GSE1: variants seen among roughly 807,000 people sequenced by gnomAD.
GSE1 encodes Gse1 coiled-coil protein, also known as genetic suppressor element 1.
Under a neutral mutation model 112.6 loss-of-function variants are expected in GSE1, and 32 were observed. That is an observed-to-expected ratio of 0.28 (90% CI 0.21 to 0.38). The LOEUF is 0.38. Among genes scored for constraint, GSE1 ranks in the 10% least tolerant of loss-of-function variants. The pLI, the probability that GSE1 is intolerant of heterozygous loss-of-function variation, is 1.00. For missense variants in GSE1, 2,348 were observed against 1,699.2 expected, an observed-to-expected ratio of 1.38 and a Z score of -6.71; for synonymous variants, 1,115 against 735.6, an observed-to-expected ratio of 1.52 and a Z score of -8.35.
At position 85,475,814 on chromosome 16, in the gene GSE1, G is replaced by A. The variant is rs544636969; in HGVS notation, c.2464+118171G>A. Among the ~76,000 whole-genome samples, 10 of 124,688 alleles carry A rather than the reference G, an allele frequency of 8.0e-5. No individual in the cohort carries two copies. In the East Asian group the frequency reaches 4.3e-3, roughly 54 times the overall value. 81.8% of individuals were successfully genotyped at this position (124,688 alleles called of 152,430 possible). A position where few individuals can be genotyped will look rare whatever the true frequency, so the allele number is the denominator to read the frequency against. The stretch of plus-strand genomic sequence containing the variant: ...TTTTTTTTTTTTAATACTAGAGACC[G>A]GGTTTCACTCTGTTGCCCAGGTTGG... On this transcript the variant is annotated intron_variant, in intron 2 of 2. Transcript: ENST00000637419.
At chr16:85,614,093 C>T (rs1172642501) in intron 1 of GSE1, among the ~76,000 whole-genome samples, 2 of 151,272 alleles carry the variant, frequency 1.3e-5, no homozygotes, top group South Asian at 2.1e-4. Flanking sequence ...CCCTCCCCTC[C>T]CCCCCGCAGA....
At position 85,548,943 on chromosome 16, in the gene GSE1, C is replaced by G. The variant is rs539522265; in HGVS notation, c.2465-84971C>G. On this transcript the variant is annotated intron_variant, in intron 2 of 2. Transcript: ENST00000637419. ...TAGCTGGGATTACAGGCGTGCGCCA[C>G]CACGTCCAGCTAATTTTTATATTTT... Among the ~76,000 whole-genome samples, 3 of 152,306 alleles carry G rather than the reference C, an allele frequency of 2.0e-5. No individual in the cohort carries two copies. In the South Asian group the frequency reaches 6.2e-4, roughly 32 times the overall value.
chr16:85,433,525 C>T (rs2049169751), intron 2 of GSE1, among the ~76,000 whole-genome samples: 1 of 152,126 alleles, frequency 6.6e-6, no homozygotes, highest in Non-Finnish European at 1.5e-5. Flanking sequence ...TGCTGTTTGG[C>T]ATTGGTGTCT....
intron 1 of GSE1, among the ~76,000 whole-genome samples, chr16:85,338,925 G>A (rs1177555675): frequency 6.6e-6 from 1 of 152,238 alleles, no homozygotes; most frequent in Non-Finnish European, 1.5e-5. Flanking sequence ...TGCAGAGCTT[G>A]GCCTGGCCCG....
At chr16:85,617,566 G>A (rs1037180788) in intron 1 of GSE1, among the ~76,000 whole-genome samples, 1 of 150,032 alleles carries the variant, frequency 6.7e-6, no homozygotes, top group East Asian at 2.0e-4. Context: ...ATCTCGGAGG[G>A]ATGCAGCCTG....
chr16:85,548,108 A>G (rs893058097), intron 2 of GSE1, among the ~76,000 whole-genome samples: 4 of 151,364 alleles, frequency 2.6e-5, no homozygotes, highest in African/African-American at 9.7e-5. Context: ...GCATGCCTGT[A>G]ATGCCAGCTA....
At chr16:85,417,827 G>C (rs921508584) in intron 2 of GSE1, among the ~76,000 whole-genome samples, 2 of 152,232 alleles carry the variant, frequency 1.3e-5, no homozygotes, top group African/African-American at 2.4e-5. Context: ...AGGCAGGGCT[G>C]AAGGCTGCAT....
intron 2 of GSE1, among the ~76,000 whole-genome samples, chr16:85,456,574 C>T (rs1420257041): frequency 1.0e-5 from 1 of 97,776 alleles, no homozygotes; most frequent in African/African-American, 4.4e-5. Flanking sequence ...GGGTCATTTT[C>T]CTGCCGTGTG....
At chr16:85,653,842 C>A (rs1216230790) in intron 3 of GSE1, among the ~76,000 whole-genome samples, 1 of 152,188 alleles carries the variant, frequency 6.6e-6, no homozygotes, top group African/African-American at 2.4e-5. Flanking sequence ...GACGTCTTGG[C>A]TACATCGTGG....
chr16:85,634,971 G>A (rs1256367685), intron 2 of GSE1, among the ~76,000 whole-genome samples: 12 of 152,042 alleles, frequency 7.9e-5, no homozygotes, highest in African/African-American at 1.9e-4. Flanking sequence ...TGAGGAAACC[G>A]GGACCCCAGT....
chr16:85,668,399 T>G lies in GSE1; in HGVS notation c.3390T>G (p.Phe1130Leu). Residue 1130 changes from phenylalanine (F) to leucine (L), a missense_variant, in exon 14 of 16, where the codon TTT becomes TTG. Coordinates refer to ENST00000253458, the MANE Select transcript of GSE1 (RefSeq NM_014615.5). ...KRKWQGIEAV[F>L]EAYQEHIEEQ... ...AGTGGCAAGGGATCGAGGCCGTTTT[T>G]GAAGCTTACCAGGAACACATAGAAG... 1.2e-6 allele frequency: 2 copies of G among 1,609,976 alleles called. No homozygotes were observed. Among genetic ancestry groups the G allele is most frequent in the Non-Finnish European group, 1.7e-6 (2 of 1,179,324 alleles).
chr16:85,259,402 T>C (rs1363087289), intron 1 of GSE1, among the ~76,000 whole-genome samples: 2 of 152,280 alleles, frequency 1.3e-5, no homozygotes, highest in Admixed American at 6.5e-5. Flanking sequence ...GAAGACTTGT[T>C]TTTTGTGTAA....
At chr16:85,279,375 A>T (rs944188902) in intron 1 of GSE1, among the ~76,000 whole-genome samples, 3 of 152,246 alleles carry the variant, frequency 2.0e-5, no homozygotes, top group Admixed American at 2.0e-4. Context: ...TGGGAGGCCA[A>T]GGCAGCGGAT....
At chr16:85,214,384 G>A (rs554396698) in intron 1 of GSE1, among the ~76,000 whole-genome samples, 4 of 152,344 alleles carry the variant, frequency 2.6e-5, no homozygotes, top group Admixed American at 1.3e-4. Flanking sequence ...CTCACAAGAA[G>A]AAGGAGATTT....
chr16:85,637,649 C>T (rs2050114268), intron 2 of GSE1, among the ~76,000 whole-genome samples: 1 of 152,254 alleles, frequency 6.6e-6, no homozygotes, highest in South Asian at 2.1e-4. Context: ...CTCCGGCTTG[C>T]CCGGGTCCCA....
rs1182071590 is a variant in GSE1 at position 85,663,522 on chromosome 16, C to T, written c.2552C>T (p.Pro851Leu). 2 of 1,613,970 alleles carry T rather than the reference C, an allele frequency of 1.2e-6. No individual in the cohort carries two copies. Among genetic ancestry groups the T allele is most frequent in the South Asian group, 1.1e-5 (1 of 91,070 alleles). ...PRLALSTRYS[P>L]DEMNNSPNFE... ...CTGGCGCTGTCTACCCGCTACAGCC[C>T]TGATGAGATGAACAACAGTCCCAAC... The change falls in exon 11 of 16, where the codon CCT becomes CTT. Residue 851 changes from proline (P) to leucine (L), a missense_variant. Transcript: ENST00000253458.
At chr16:85,433,868 G>A (rs1244117409) in intron 2 of GSE1, among the ~76,000 whole-genome samples, 1 of 149,992 alleles carries the variant, frequency 6.7e-6, no homozygotes, top group African/African-American at 2.5e-5. Flanking sequence ...GGATGGAAGT[G>A]GTTTGGATGG....
intron 1 of GSE1, among the ~76,000 whole-genome samples, chr16:85,235,942 A>G (rs1274236645): frequency 6.6e-6 from 1 of 151,430 alleles, no homozygotes; most frequent in African/African-American, 2.4e-5. Context: ...CTGGGGAGCG[A>G]GGCTGCAGCA....
At chr16:85,606,212 C>T (rs933959521) in intron 1 of GSE1, among the ~76,000 whole-genome samples, 2 of 152,214 alleles carry the variant, frequency 1.3e-5, no homozygotes, top group African/African-American at 2.4e-5. Context: ...AACACATGCT[C>T]TCCCGGCTTT....
Sources: gnomAD v4.1 joint callset for allele counts (sites outside exome capture counted in the v4.1 genomes callset) on GRCh38, gnomAD v4.1.1 for gene constraint, MANE v1.5 for transcripts, NCBI Gene and HGNC (gene_info 2026-07-23, HGNC 2026-07-21) for gene names.